Variants in NUP205 observed in about 807,000 individuals in gnomAD.
NUP205 encodes nucleoporin 205.
NUP205 carries 76 observed loss-of-function variants against 253.8 expected under a neutral mutation model. The observed-to-expected ratio is 0.30, with a 90% CI of 0.25 to 0.36. The LOEUF is 0.36. NUP205 is among the 10% of genes least tolerant of loss of function. NUP205 has a pLI of 1.00. For missense variants in NUP205, 2,162 were observed against 2,425.5 expected (o/e 0.89, Z 2.28); for synonymous variants, 832 against 850.1 (o/e 0.98, Z 0.37).
At chr7:135,596,956 C>CAAAA (rs202161616) in intron 13 of NUP205, among the ~76,000 whole-genome samples, 1 of 89,530 alleles carries the variant, frequency 1.1e-5, no homozygotes, top group Non-Finnish European at 2.3e-5. Flanking sequence ...GACTCTGTCT[C>CAAAA]AAAAAAAAAA....
At chr7:135,598,514 C>T (rs1391182722) in intron 15 of NUP205, among the ~76,000 whole-genome samples, 2 of 152,208 alleles carry the variant, frequency 1.3e-5, no homozygotes, top group Non-Finnish European at 2.9e-5. Context: ...AAACACACTA[C>T]TACTGCTTAT....
chr7:135,573,882 C>T, intron 3 of NUP205, 57 bp downstream of exon 3: 1 of 1,341,686 alleles, frequency 7.5e-7, no homozygotes, highest in African/African-American at 1.5e-5. Context: ...TAAAATCACT[C>T]ATAGTTTAAA....
rs1424352797 is a variant in NUP205, at chr7:135,610,210, T to G, written c.3195+2839T>G. On this transcript the variant is annotated intron_variant, in intron 22 of 42. Transcript: ENST00000285968. The stretch of plus-strand genomic sequence containing the variant: ...ACCAGCAGTTTACCAGTTTATAACA[T>G]ACTCTCTGTTGTCGTTGTTACTGTT... Among the ~76,000 whole-genome samples, 5 of 152,362 alleles carry G rather than the reference T, an allele frequency of 3.3e-5. No individual in the cohort carries two copies. In the East Asian group the frequency reaches 9.6e-4, roughly 29 times the overall value.
intron 13 of NUP205, among the ~76,000 whole-genome samples, chr7:135,596,297 A>G (rs1377103170): frequency 6.6e-6 from 1 of 152,210 alleles, no homozygotes; most frequent in Non-Finnish European, 1.5e-5. Context: ...TATCCTGAAG[A>G]TGTTATTGAT....
chr7:135,593,091 G>A lies in NUP205; in HGVS notation c.1729G>A (p.Asp577Asn), dbSNP rs377447381. The A allele has an allele frequency of 1.9e-6, 3 of 1,614,000 alleles. No individual in the cohort carries two copies. Among genetic ancestry groups the A allele is most frequent in the South Asian group, 2.2e-5 (2 of 91,084 alleles). ...EHLRKDLPSA[D>N]SVQYRHLPSR... ...CCTTCGGAAGGATCTTCCAAGTGCA[G>A]ATAGTGTCCAGTACCGTCACCTTCC... is the stretch of plus-strand genomic sequence containing the variant. Residue 577 changes from aspartate to asparagine, a missense_variant, in exon 12 of 43, where the codon GAT becomes AAT. By Grantham distance (23) the Asp-to-Asn change is conservative. This residue lies in a region of NUP205 where 892 missense variants were observed against 957.1 expected (regional missense o/e 0.93). Coordinates refer to ENST00000285968, the MANE Select transcript of NUP205 (RefSeq NM_015135.3).
intron 28 of NUP205, 59 bp downstream of exon 28, chr7:135,618,662 T>C (rs1375000055): frequency 2.2e-6 from 3 of 1,395,112 alleles, no homozygotes. Context: ...TAAACAAATA[T>C]ATTTTGGCAT....
At chr7:135,614,989 C>T (rs1794325138) in intron 23 of NUP205, among the ~76,000 whole-genome samples, 1 of 152,160 alleles carries the variant, frequency 6.6e-6, no homozygotes, top group South Asian at 2.1e-4. Flanking sequence ...CGTTAGACCT[C>T]TGAGAATTAT....
chr7:135,575,314 A>G (rs1806122607), intron 3 of NUP205, among the ~76,000 whole-genome samples: 1 of 152,150 alleles, frequency 6.6e-6, no homozygotes, highest in Non-Finnish European at 1.5e-5. Flanking sequence ...AGCATACATC[A>G]GGTGGAATAG....
chr7:135,630,519 CATAA>C (rs1288916863), intron 35 of NUP205, 49 bp downstream of exon 35: 2 of 1,519,436 alleles, frequency 1.3e-6, no homozygotes, highest in Non-Finnish European at 1.8e-6. Context: ...TAAAGACTGA[CATAA>C]ATTAATAGAA....
At chr7:135,610,139 G>C (rs1023484525) in intron 22 of NUP205, among the ~76,000 whole-genome samples, 10 of 152,216 alleles carry the variant, frequency 6.6e-5, no homozygotes, top group African/African-American at 2.4e-4. Flanking sequence ...TGTTAAAGTT[G>C]TTCTAACTTT....
chr7:135,646,069 A>G (rs1795002802), intron 41 of NUP205, 89 bp from the exon 42 acceptor site: 11 of 835,472 alleles, frequency 1.3e-5, no homozygotes, highest in African/African-American at 1.7e-5. Context: ...TCATGGTGCT[A>G]TTGTTATTAT....
In NUP205 at chr7:135,600,961, A is replaced by C; in HGVS notation, c.2366A>C (p.Glu789Ala). The C allele has an allele frequency of 1.3e-6, 2 of 1,583,062 alleles. No individual in the cohort carries two copies. The highest frequency in any genetic ancestry group is 1.7e-6 in the Non-Finnish European group (2 of 1,153,036). Residue 789 changes from glutamate (E) to alanine (A), a missense_variant, in exon 16 of 43, where the codon GAA becomes GCA. Around this residue, in one of 5 missense-constraint regions of NUP205, gnomAD observed 892 missense variants for 957.1 expected, o/e 0.93. Coordinates refer to ENST00000285968, the MANE Select transcript of NUP205 (RefSeq NM_015135.3). Reference protein sequence around the residue: ...QLEDFVDQFVELQGEEIIAYK... With the variant: ...QLEDFVDQFVALQGEEIIAYK... ...GAAGATTTTGTAGACCAGTTTGTGGAACTACAAGGTAATTTAATTCTGTCA... is the reference window on the plus strand; with the variant it reads ...GAAGATTTTGTAGACCAGTTTGTGGCACTACAAGGTAATTTAATTCTGTCA...
At chr7:135,608,361 C>G (rs1253955689) in intron 22 of NUP205, among the ~76,000 whole-genome samples, 1 of 152,100 alleles carries the variant, frequency 6.6e-6, no homozygotes, top group African/African-American at 2.4e-5. Context: ...ATTAAGAAGT[C>G]CTGTATACAA....
intron 1 of NUP205, among the ~76,000 whole-genome samples, chr7:135,559,904 G>A (rs1335820365): frequency 6.6e-6 from 1 of 151,760 alleles, no homozygotes; most frequent in Non-Finnish European, 1.5e-5. Context: ...TGTTGCCCGG[G>A]CTGGAGTGCA....
At chr7:135,576,143 A>T in intron 3 of NUP205, 127 bp from the exon 4 acceptor site, 1 of 649,180 alleles carries the variant, frequency 1.5e-6, no homozygotes, top group South Asian at 2.1e-5. Flanking sequence ...GTAGTAGAGG[A>T]CCCCAGGGCC....
chr7:135,593,907 C>T (rs1413820878), intron 12 of NUP205, among the ~76,000 whole-genome samples: 1 of 152,120 alleles, frequency 6.6e-6, no homozygotes. Flanking sequence ...TTCTATAGCA[C>T]TACAGGGTGA....
chr7:135,617,711 C>T, intron 27 of NUP205, 29 bp downstream of exon 27: 1 of 1,431,458 alleles, frequency 7.0e-7, no homozygotes, highest in Non-Finnish European at 9.8e-7. Flanking sequence ...GTGTTCGTTT[C>T]AAACTTCTAA....
At chr7:135,619,951 A>C in intron 30 of NUP205, 63 bp downstream of exon 30, 3 of 1,071,408 alleles carry the variant, frequency 2.8e-6, no homozygotes, top group Non-Finnish European at 4.2e-6. Flanking sequence ...AATTGAAAAA[A>C]AAAATCACTT....
chr7:135,645,986 C>G lies in NUP205; in HGVS notation c.5813-172C>G, dbSNP rs546669015. 3.6e-5 allele frequency: 22 copies of G among 610,664 alleles called. No individual in the cohort carries two copies. The East Asian group carries it at 5.8e-4, about 16-fold the overall frequency. 37.8% of individuals were successfully genotyped at this position (610,664 alleles called of 1,614,324 possible). On this transcript the variant is annotated intron_variant, in intron 41 of 42. Coordinates refer to ENST00000285968, the MANE Select transcript of NUP205 (RefSeq NM_015135.3). ...AAAAGCTGAGAACCCTGGTCTGGAC[C>G]AGTGAAATGCTTTCTAGGGGCTTCC...
Sources: allele counts gnomAD v4.1 joint callset (sites outside exome capture counted in the v4.1 genomes callset), GRCh38; gene constraint gnomAD v4.1.1; regional missense constraint gnomAD v4.1.1; transcripts MANE v1.5; gene names NCBI Gene and HGNC (gene_info 2026-07-23, HGNC 2026-07-21).